ERI3: variants seen among roughly 807,000 people sequenced by gnomAD.
ERI3 encodes the protein ERI1 exoribonuclease 3.
Under a neutral mutation model 44.4 loss-of-function variants are expected in ERI3, and 18 were observed. The observed-to-expected ratio is 0.41, with a 90% CI of 0.28 to 0.60. The LOEUF is 0.60. Ranked by LOEUF, ERI3 falls within the 20% of genes least tolerant of loss-of-function variation. ERI3 has a pLI of 0.36. For synonymous variants in ERI3, 183 were observed against 164.8 expected (o/e 1.11, Z -0.84); for missense variants, 294 against 435.5 (o/e 0.68, Z 2.89).
chr1:44,238,506 G>T (rs1189477799), intron 8 of ERI3, among the ~76,000 whole-genome samples: 1 of 152,132 alleles, frequency 6.6e-6, no homozygotes, highest in African/African-American at 2.4e-5. Flanking sequence ...GAGGTGCCAG[G>T]TTCCAAGCAA....
At chr1:44,337,083 G>C (rs1646549572) in intron 3 of ERI3, among the ~76,000 whole-genome samples, 2 of 152,232 alleles carry the variant, frequency 1.3e-5, no homozygotes, top group South Asian at 2.1e-4. Flanking sequence ...ACCAAACTGA[G>C]ACATGATTCA....
At position 44,277,233 on chromosome 1, in the gene ERI3, C is replaced by A. The variant is rs114239225; in HGVS notation, c.831+7602G>T. On this transcript the variant is annotated intron_variant, in intron 7 of 8. Coordinates refer to ENST00000372257, the MANE Select transcript of ERI3 (RefSeq NM_024066.3). The stretch of plus-strand genomic sequence containing the variant: ...CCTCCTGTCACAATAGAAGCAGGGA[C>A]CTTCCGCCTAAAGAGAGCCAATTTC... Among the ~76,000 whole-genome samples the A allele has an allele frequency of 2.8e-3, 423 of 152,296 alleles. 1 individual carries two copies. The highest frequency in any genetic ancestry group is 6.4e-3 in the South Asian group (31 of 4,826).
intron 1 of ERI3, chr1:44,353,854 A>T: frequency 1.0e-6 from 1 of 985,420 alleles, no homozygotes; most frequent in Non-Finnish European, 1.2e-6. Flanking sequence ...AGGAAACCTT[A>T]TCAATCACTT....
intron 3 of ERI3, among the ~76,000 whole-genome samples, chr1:44,335,371 A>G (rs531357497): frequency 8.6e-5 from 13 of 151,692 alleles, no homozygotes; most frequent in African/African-American, 2.9e-4. Flanking sequence ...AAAAAAACAA[A>G]CAAAAAACAG....
At chr1:44,245,924 T>C (rs571164982) in intron 8 of ERI3, among the ~76,000 whole-genome samples, 1 of 152,182 alleles carries the variant, frequency 6.6e-6, no homozygotes. Context: ...CCCTTTCCCA[T>C]CACTCTTTCA....
chr1:44,285,763 C>CA (rs1487227881), intron 6 of ERI3, among the ~76,000 whole-genome samples: 1 of 151,688 alleles, frequency 6.6e-6, no homozygotes, highest in African/African-American at 2.4e-5. Context: ...GAAAGAAAGA[C>CA]AAAAAAAGCC....
rs1403594453 is a variant in ERI3, at chr1:44,221,862, T to C, written c.932-222A>G. Among the ~76,000 whole-genome samples the C allele has an allele frequency of 6.6e-6, 1 of 152,164 alleles. No homozygotes were observed. Among genetic ancestry groups the C allele is most frequent in the Non-Finnish European group, 1.5e-5 (1 of 68,038 alleles). On this transcript the variant is annotated intron_variant, in intron 8 of 8. Transcript: ENST00000372257. The surrounding 1 kb of genome is among the most constrained non-coding windows in gnomAD (Gnocchi z 5.9). ...GTCTCGATGCTTCTCAGTTCCATAA[T>C]TCATGCTGGAAATTGGCCGGCATGT...
intron 7 of ERI3, among the ~76,000 whole-genome samples, chr1:44,249,528 G>T (rs747610883): frequency 6.6e-6 from 1 of 152,182 alleles, no homozygotes; most frequent in Non-Finnish European, 1.5e-5. Flanking sequence ...AGGAGGCTAG[G>T]AGAAAGTGTA....
chr1:44,276,047 G>C (rs1645175112), intron 7 of ERI3, among the ~76,000 whole-genome samples: 1 of 152,230 alleles, frequency 6.6e-6, no homozygotes, highest in Non-Finnish European at 1.5e-5. Context: ...CACACGGCAA[G>C]AGGAAGCAAG....
At chr1:44,240,559 A>G (rs1479362757) in intron 8 of ERI3, among the ~76,000 whole-genome samples, 1 of 152,222 alleles carries the variant, frequency 6.6e-6, no homozygotes, top group Non-Finnish European at 1.5e-5. Flanking sequence ...CTGAGCAGCA[A>G]TCGGTCATGA....
intron 8 of ERI3, among the ~76,000 whole-genome samples, chr1:44,226,144 T>C (rs1459978209): frequency 6.6e-6 from 1 of 151,964 alleles, no homozygotes; most frequent in Non-Finnish European, 1.5e-5. Context: ...GTTCAATAAA[T>C]AGTACAGGCA....
At chr1:44,292,303 G>A (rs1645523735) in intron 6 of ERI3, among the ~76,000 whole-genome samples, 1 of 152,174 alleles carries the variant, frequency 6.6e-6, no homozygotes, top group South Asian at 2.1e-4. Flanking sequence ...GAAGCACCTT[G>A]GGACTCATTC....
intron 3 of ERI3, among the ~76,000 whole-genome samples, chr1:44,328,928 C>T (rs899252553): frequency 1.3e-5 from 2 of 152,180 alleles, no homozygotes; most frequent in Non-Finnish European, 1.5e-5. Context: ...AGAGCTAGGG[C>T]AGAAAAACAG....
chr1:44,339,359 G>GAAA, intron 2 of ERI3, 37 bp from the exon 3 acceptor site: 1 of 1,035,130 alleles, frequency 9.7e-7, no homozygotes, highest in Non-Finnish European at 1.3e-6. Context: ...AAAAAAAAAA[G>GAAA]AAAAGAAAGA....
chr1:44,311,448 C>T lies in ERI3; in HGVS notation c.666+1721G>A, dbSNP rs1343900910. Among the ~76,000 whole-genome samples the T allele has an allele frequency of 2.0e-5, 3 of 152,144 alleles. 1 individual carries two copies. Among genetic ancestry groups the T allele is most frequent in the Non-Finnish European group, 1.5e-5 (1 of 68,018 alleles). On this transcript the variant is annotated intron_variant, in intron 5 of 8. Transcript: ENST00000372257. The stretch of plus-strand genomic sequence containing the variant: ...TAATGAGATGAAGCAGAGCCCGGTC[C>T]GGTCTCCTACCTGCCAGAAACTCTC...
At chr1:44,346,898 G>C (rs926892201) in intron 2 of ERI3, among the ~76,000 whole-genome samples, 11 of 152,130 alleles carry the variant, frequency 7.2e-5, no homozygotes, top group African/African-American at 2.7e-4. Flanking sequence ...CAATAAAAGG[G>C]AGCTGTTACT....
intron 7 of ERI3, among the ~76,000 whole-genome samples, chr1:44,271,274 ACTG>A (rs2154321489): frequency 6.6e-6 from 1 of 152,222 alleles, no homozygotes; most frequent in East Asian, 1.9e-4. Flanking sequence ...ATACCTGAAA[ACTG>A]CTGTGTGTAG....
intron 6 of ERI3, among the ~76,000 whole-genome samples, chr1:44,305,496 T>A (rs1645813232): frequency 6.6e-6 from 1 of 152,168 alleles, no homozygotes; most frequent in Non-Finnish European, 1.5e-5. Context: ...CTTGAAAAAA[T>A]TGAGAGGGGA....
intron 7 of ERI3, among the ~76,000 whole-genome samples, chr1:44,254,318 GA>G (rs1644740814): frequency 6.6e-6 from 1 of 152,158 alleles, no homozygotes; most frequent in Non-Finnish European, 1.5e-5. Context: ...TCACAAGGAC[GA>G]ATTCCACTCT....
Sources: gnomAD v4.1 joint callset for allele counts (sites outside exome capture counted in the v4.1 genomes callset) on GRCh38, gnomAD v4.1.1 for gene constraint, Gnocchi (gnomAD v3.1) non-coding constraint, MANE v1.5 for transcripts, NCBI Gene and HGNC (gene_info 2026-07-23, HGNC 2026-07-21) for gene names.